ST6GALNAC5: variants seen among roughly 807,000 people sequenced by gnomAD.
ST6GALNAC5 encodes alpha-N-acetylgalactosaminide alpha-2,6-sialyltransferase 5.
In ST6GALNAC5, 27 loss-of-function variants were observed where a neutral mutation model predicts 33.6. That is an observed-to-expected ratio of 0.80 (90% CI 0.59 to 1.11). ST6GALNAC5 has a LOEUF of 1.11. Among genes scored for constraint, ST6GALNAC5 ranks in the 50% least tolerant of loss-of-function variants. ST6GALNAC5 has a pLI of 0.00. For missense variants in ST6GALNAC5, 428 were observed against 454.0 expected (o/e 0.94, Z 0.52); for synonymous variants, 194 against 171.2 (o/e 1.13, Z -1.04).
chr1:77,010,984 G>A lies in ST6GALNAC5; in HGVS notation c.262-33220G>A, dbSNP rs190222538. 7.2e-5 allele frequency among the ~76,000 whole-genome samples: 11 copies of A among 152,324 alleles called. No individual in the cohort carries two copies. The East Asian group carries it at 1.7e-3, about 24-fold the overall frequency. Reference sequence around the variant, plus strand: ...AGAGGCAGAAATGTCTTCATCCCCTGCCGTTTGGGTACTGACTAAAACCGT... The same window carrying A: ...AGAGGCAGAAATGTCTTCATCCCCTACCGTTTGGGTACTGACTAAAACCGT... On this transcript the variant is annotated intron_variant, in intron 2 of 4. Coordinates refer to ENST00000477717, the MANE Select transcript of ST6GALNAC5 (RefSeq NM_030965.3).
intron 2 of ST6GALNAC5, among the ~76,000 whole-genome samples, chr1:76,891,924 T>C (rs1041454066): frequency 2.6e-5 from 4 of 152,226 alleles, no homozygotes; most frequent in African/African-American, 9.6e-5. Flanking sequence ...ATACTGTCAC[T>C]AGCCATACCA....
intron 2 of ST6GALNAC5, among the ~76,000 whole-genome samples, chr1:76,974,284 C>T (rs1273511307): frequency 3.6e-5 from 5 of 137,668 alleles, no homozygotes; most frequent in African/African-American, 1.0e-4. Flanking sequence ...GCAATCATAG[C>T]GCCTCAAACT....
rs918487633 is a variant in ST6GALNAC5 at position 76,868,365 on chromosome 1, G to C, written c.16-132G>C. On this transcript the variant is annotated intron_variant, in intron 1 of 4. Transcript: ENST00000477717. The surrounding 1 kb of genome is among the most constrained non-coding windows in gnomAD (Gnocchi z 4.3). ...TGCTTTCTCTGTCCCAGTTGCGTGC[G>C]GCGGGGCTGGGGCCCAGGCCGCCCC... is the stretch of plus-strand genomic sequence containing the variant. 5.1e-5 allele frequency: 68 copies of C among 1,345,364 alleles called. No individual in the cohort carries two copies. The highest frequency in any genetic ancestry group is 6.4e-5 in the Non-Finnish European group (65 of 1,013,864). 83.3% of individuals were successfully genotyped at this position (1,345,364 alleles called of 1,614,324 possible). A position where few individuals can be genotyped will look rare whatever the true frequency, so the allele number is the denominator to read the frequency against.
At chr1:77,017,726 C>T (rs762538482) in intron 2 of ST6GALNAC5, among the ~76,000 whole-genome samples, 3 of 152,046 alleles carry the variant, frequency 2.0e-5, no homozygotes, top group Admixed American at 2.0e-4. Flanking sequence ...AAAGTTCTTA[C>T]GTAGGATTTT....
At chr1:76,968,406 C>T (rs902466483) in intron 2 of ST6GALNAC5, among the ~76,000 whole-genome samples, 1 of 151,982 alleles carries the variant, frequency 6.6e-6, no homozygotes, top group African/African-American at 2.4e-5. Flanking sequence ...GATTGCAACC[C>T]CTGCTTTTTT....
chr1:77,064,727 C>T lies in ST6GALNAC5; in HGVS notation c.*1521C>T, dbSNP rs1284879899. ...TAAATATACTAGTGTTTTCTTTACA[C>T]ATGACTTAGAAGGCATTAGTTTCTC... On this transcript the variant is annotated 3_prime_UTR_variant, in exon 5 of 5. Coordinates refer to ENST00000477717, the MANE Select transcript of ST6GALNAC5 (RefSeq NM_030965.3). 2.0e-5 allele frequency: 3 copies of T among 152,152 alleles called. No homozygotes were observed. Among genetic ancestry groups the T allele is most frequent in the Non-Finnish European group, 4.4e-5 (3 of 68,034 alleles). 9.4% of individuals were successfully genotyped at this position (152,152 alleles called of 1,614,324 possible). A position where few individuals can be genotyped will look rare whatever the true frequency, so the allele number is the denominator to read the frequency against.
chr1:76,904,171 A>G (rs1646842864), intron 2 of ST6GALNAC5, among the ~76,000 whole-genome samples: 1 of 152,202 alleles, frequency 6.6e-6, no homozygotes, highest in South Asian at 2.1e-4. Flanking sequence ...GGTCATTTTC[A>G]TGGGAAAAGG....
intron 2 of ST6GALNAC5, among the ~76,000 whole-genome samples, chr1:77,020,340 A>G (rs1466180727): frequency 6.6e-6 from 1 of 152,172 alleles, no homozygotes; most frequent in Non-Finnish European, 1.5e-5. Flanking sequence ...GAGAGCTAGC[A>G]TTTGGGGCGT....
Position 77,044,290 on chromosome 1 carries a change from G to C in ST6GALNAC5, c.348G>C (p.Gln116His). Residue 116 changes from glutamine (Q) to histidine (H), a missense_variant, in exon 3 of 5, where the codon CAG becomes CAC. Coordinates refer to ENST00000477717, the MANE Select transcript of ST6GALNAC5 (RefSeq NM_030965.3). ...GTCGGCAAGGCTCCCAGATTGACCA[G>C]ACAGAGTGTGTCATCCGCATGAATG... The part of the protein sequence containing the change: ...LHSRQGSQID[Q>H]TECVIRMNDA... 6.2e-7 allele frequency: 1 copy of C among 1,613,996 alleles called. No homozygotes were observed. The highest frequency in any genetic ancestry group is 1.1e-5 in the South Asian group (1 of 91,076).
In ST6GALNAC5 at chr1:76,950,891, A is replaced by C. The variant is rs567062796; in HGVS notation, c.261+82149A>C. Among the ~76,000 whole-genome samples the C allele has an allele frequency of 2.6e-5, 4 of 152,222 alleles. No homozygotes were observed. The East Asian group carries it at 7.8e-4, about 30-fold the overall frequency. ...CACAACCAAGGGATAGCAAGTGTAA[A>C]ATGCTTAGTAGTAGGTGAAGACGAG... On this transcript the variant is annotated intron_variant, in intron 2 of 4. Coordinates refer to ENST00000477717, the MANE Select transcript of ST6GALNAC5 (RefSeq NM_030965.3).
Position 76,910,564 on chromosome 1 carries a change from G to A in ST6GALNAC5, c.261+41822G>A, listed in dbSNP as rs185971200. ...AATCTTGGTTTTAAAATATCAGTTT[G>A]ATGACTGCTCAAACACTTATAAAGT... On this transcript the variant is annotated intron_variant, in intron 2 of 4. Transcript: ENST00000477717. Among the ~76,000 whole-genome samples, 18 of 152,094 alleles carry A rather than the reference G, an allele frequency of 1.2e-4. 1 individual carries two copies. In the East Asian group the frequency reaches 3.3e-3, roughly 28 times the overall value.
At chr1:76,870,408 T>G (rs1653473449) in intron 2 of ST6GALNAC5, among the ~76,000 whole-genome samples, 1 of 152,246 alleles carries the variant, frequency 6.6e-6, no homozygotes, top group Non-Finnish European at 1.5e-5. Context: ...AAGGTAAATT[T>G]GCTGAAAGTT....
At position 76,912,581 on chromosome 1, in the gene ST6GALNAC5, G is replaced by C. The variant is rs1362592863; in HGVS notation, c.261+43839G>C. Among the ~76,000 whole-genome samples, 4 of 151,532 alleles carry C rather than the reference G, an allele frequency of 2.6e-5. No individual in the cohort carries two copies. The South Asian group carries it at 8.4e-4, about 32-fold the overall frequency. On this transcript the variant is annotated intron_variant, in intron 2 of 4. Coordinates refer to ENST00000477717, the MANE Select transcript of ST6GALNAC5 (RefSeq NM_030965.3). ...TCTAAGTCTCTTTGTAGGTCACTCA[G>C]GACTTGCTTTATGAATCTGGGTGTT...
chr1:76,911,620 A>C (rs889294120), intron 2 of ST6GALNAC5, among the ~76,000 whole-genome samples: 2 of 151,928 alleles, frequency 1.3e-5, no homozygotes, highest in African/African-American at 4.8e-5. Flanking sequence ...ACAATTTCAG[A>C]TCCTGTTATT....
intron 3 of ST6GALNAC5, among the ~76,000 whole-genome samples, chr1:77,047,552 G>C (rs900663506): frequency 5.9e-5 from 9 of 152,186 alleles, no homozygotes; most frequent in Non-Finnish European, 2.9e-5. Context: ...GGAGAAAAAA[G>C]TGGCTCAGGA....
In ST6GALNAC5 at chr1:76,919,003, C is replaced by G. The variant is rs540392192; in HGVS notation, c.261+50261C>G. Among the ~76,000 whole-genome samples the G allele has an allele frequency of 2.6e-5, 4 of 152,254 alleles. No individual in the cohort carries two copies. The East Asian group carries it at 5.8e-4, about 22-fold the overall frequency. On this transcript the variant is annotated intron_variant, in intron 2 of 4. Transcript: ENST00000477717. ...TTAATTTCCTCAGGTAAGCGCCTCTCTTGTCTTAGCAATGCCTCGGTTCTC... is the reference window on the plus strand; with the variant it reads ...TTAATTTCCTCAGGTAAGCGCCTCTGTTGTCTTAGCAATGCCTCGGTTCTC...
chr1:76,979,629 T>C (rs1042267031), intron 2 of ST6GALNAC5, among the ~76,000 whole-genome samples: 1 of 152,122 alleles, frequency 6.6e-6, no homozygotes, highest in African/African-American at 2.4e-5. Flanking sequence ...CAACTCAAAT[T>C]AAGACTGTAA....
chr1:76,880,608 AG>A (rs1376041199), intron 2 of ST6GALNAC5, among the ~76,000 whole-genome samples: 1 of 152,220 alleles, frequency 6.6e-6, no homozygotes, highest in Non-Finnish European at 1.5e-5. Context: ...GGAAGCATCC[AG>A]CATGGAAGAA....
chr1:77,056,513 C>A (rs777545613), intron 4 of ST6GALNAC5, among the ~76,000 whole-genome samples: 2 of 152,232 alleles, frequency 1.3e-5, no homozygotes, highest in Non-Finnish European at 2.9e-5. Flanking sequence ...ATCTCATCCG[C>A]AATATGAAGG....
Sources: allele counts gnomAD v4.1 joint callset (sites outside exome capture counted in the v4.1 genomes callset), GRCh38; gene constraint gnomAD v4.1.1; non-coding constraint Gnocchi (gnomAD v3.1); transcripts MANE v1.5; gene names NCBI Gene and HGNC (gene_info 2026-07-23, HGNC 2026-07-21).